Variants in ZNF804B observed in about 807,000 individuals in gnomAD.
The protein encoded by ZNF804B is zinc finger protein 804B.
Under a neutral mutation model 101.4 loss-of-function variants are expected in ZNF804B, and 80 were observed. The observed-to-expected ratio is 0.79, with a 90% CI of 0.66 to 0.95. ZNF804B has a LOEUF of 0.95. Ranked by LOEUF, ZNF804B falls within the 40% of genes least tolerant of loss-of-function variation. The pLI is 0.00. For synonymous variants in ZNF804B, 622 were observed against 558.8 expected, an observed-to-expected ratio of 1.11 and a Z score of -1.59; for missense variants, 1,673 against 1,561.9, an observed-to-expected ratio of 1.07 and a Z score of -1.20.
At chr7:88,854,414 C>CCTTTCTTTCTTCCTTCCTTCCTTTCTTT (rs1491507073) in intron 1 of ZNF804B, among the ~76,000 whole-genome samples, 2 of 57,114 alleles carry the variant, frequency 3.5e-5, no homozygotes, top group East Asian at 7.6e-4. Context: ...TTTCTTTCTT[C>CCTTTCTTTCTTCCTTCCTTCCTTTCTTT]CTTTCTTTCT....
At chr7:89,189,394 A>G (rs1788422989) in intron 1 of ZNF804B, among the ~76,000 whole-genome samples, 1 of 152,164 alleles carries the variant, frequency 6.6e-6, no homozygotes, top group South Asian at 2.1e-4. Context: ...ATATAATTTT[A>G]GGTAGTTTAC....
intron 1 of ZNF804B, among the ~76,000 whole-genome samples, chr7:89,094,359 A>C (rs764103659): frequency 2.6e-5 from 4 of 152,130 alleles, no homozygotes; most frequent in Non-Finnish European, 4.4e-5. Flanking sequence ...TACTTTCTTT[A>C]AAATATGCCA....
chr7:89,113,745 G>T (rs1262826082), intron 1 of ZNF804B, among the ~76,000 whole-genome samples: 1 of 152,132 alleles, frequency 6.6e-6, no homozygotes, highest in Non-Finnish European at 1.5e-5. Flanking sequence ...GAGGTCAGGA[G>T]ATTGAGACCA....
At chr7:88,961,910 G>T (rs866170060) in intron 1 of ZNF804B, among the ~76,000 whole-genome samples, 3 of 151,400 alleles carry the variant, frequency 2.0e-5, no homozygotes, top group Middle Eastern at 6.8e-3. Flanking sequence ...GGACTTCATA[G>T]TCACTTAACG....
In ZNF804B at chr7:89,017,010, A is replaced by C. The variant is rs1189200574; in HGVS notation, c.109-201145A>C. Among the ~76,000 whole-genome samples, 4 of 152,078 alleles carry C rather than the reference A, an allele frequency of 2.6e-5. No individual in the cohort carries two copies. In the East Asian group the frequency reaches 5.8e-4, roughly 22 times the overall value. ...ATTTGTTTGTGTCCTCTTTTATTTC[A>C]TTGAGCTGTGGTTTGTAGTTCTCCT... On this transcript the variant is annotated intron_variant, in intron 1 of 3. Coordinates refer to ENST00000333190, the MANE Select transcript of ZNF804B (RefSeq NM_181646.5).
At chr7:89,246,532 T>A (rs1414370514) in intron 2 of ZNF804B, among the ~76,000 whole-genome samples, 1 of 152,002 alleles carries the variant, frequency 6.6e-6, no homozygotes, top group Non-Finnish European at 1.5e-5. Flanking sequence ...CTGCCCCACA[T>A]TTCCTGTGCA....
intron 1 of ZNF804B, among the ~76,000 whole-genome samples, chr7:89,199,372 C>T (rs1252857178): frequency 1.3e-5 from 2 of 151,898 alleles, no homozygotes; most frequent in East Asian, 3.9e-4. Flanking sequence ...CAGTACAGCA[C>T]ATTCAAATCT....
At chr7:89,224,641 C>T (rs1789053902) in intron 2 of ZNF804B, among the ~76,000 whole-genome samples, 1 of 151,310 alleles carries the variant, frequency 6.6e-6, no homozygotes, top group Non-Finnish European at 1.5e-5. Flanking sequence ...GAATGAATAC[C>T]TTCAGTACCA....
In ZNF804B at chr7:89,220,046, CAT is replaced by C. The variant is rs1363176073; in HGVS notation, c.249+1757_249+1758del. Among the ~76,000 whole-genome samples the C allele has an allele frequency of 1.5e-3, 47 of 30,650 alleles. 17 individuals are homozygous for C. The highest frequency in any genetic ancestry group is 9.9e-3 in the Admixed American group (36 of 3,624). The allele number at this position is 30,650 out of a possible 152,430, so 20.1% of individuals were successfully genotyped here. ...ACATATATATACGCACATATATGTG[CAT>C]ATATACATATATACGCACATATATG... is the stretch of plus-strand genomic sequence containing the variant. On this transcript the variant is annotated intron_variant, in intron 2 of 3. Coordinates refer to ENST00000333190, the MANE Select transcript of ZNF804B (RefSeq NM_181646.5).
chr7:89,228,377 G>T (rs1403788861), intron 2 of ZNF804B, among the ~76,000 whole-genome samples: 1 of 152,116 alleles, frequency 6.6e-6, no homozygotes, highest in Non-Finnish European at 1.5e-5. Context: ...ACATCCTGCT[G>T]ATTGGTAGAG....
intron 2 of ZNF804B, among the ~76,000 whole-genome samples, chr7:89,220,047 A>ATACGTATATACGCACATATATATGTGTG (rs1788971297): frequency 7.7e-5 from 3 of 38,762 alleles, no homozygotes; most frequent in African/African-American, 3.6e-4. Flanking sequence ...ATATATGTGC[A>ATACGTATATACGCACATATATATGTGTG]TATATACATA....
chr7:89,010,338 T>A (rs1408659083), intron 1 of ZNF804B, among the ~76,000 whole-genome samples: 1 of 152,136 alleles, frequency 6.6e-6, no homozygotes, highest in Admixed American at 6.5e-5. Context: ...ATTACAGTAT[T>A]GATTAAGTGG....
intron 1 of ZNF804B, among the ~76,000 whole-genome samples, chr7:89,169,074 G>A (rs1791187874): frequency 6.6e-6 from 1 of 152,134 alleles, no homozygotes; most frequent in African/African-American, 2.4e-5. Flanking sequence ...ACGAACCCGG[G>A]CACTTAGCCT....
chr7:88,787,826 T>A (rs1201849442), intron 1 of ZNF804B, among the ~76,000 whole-genome samples: 1 of 152,144 alleles, frequency 6.6e-6, no homozygotes, highest in African/African-American at 2.4e-5. Context: ...ACTGTCTTTA[T>A]GTTTGATAGA....
At chr7:89,061,107 T>A (rs922630415) in intron 1 of ZNF804B, among the ~76,000 whole-genome samples, 1 of 152,152 alleles carries the variant, frequency 6.6e-6, no homozygotes, top group Non-Finnish European at 1.5e-5. Flanking sequence ...GTAACTGTTA[T>A]ACCCTTATGA....
At position 89,250,774 on chromosome 7, in the gene ZNF804B, C is replaced by T. The variant is rs186070911; in HGVS notation, c.249+32479C>T. 2.6e-5 allele frequency among the ~76,000 whole-genome samples: 4 copies of T among 152,290 alleles called. No homozygotes were observed. In the East Asian group the frequency reaches 7.7e-4, roughly 29 times the overall value. ...AAATAGGCTTCATTCCTAAGATTCA[C>T]TGCTGGTTCAACATATGCAAATCAA... On this transcript the variant is annotated intron_variant, in intron 2 of 3. Coordinates refer to ENST00000333190, the MANE Select transcript of ZNF804B (RefSeq NM_181646.5).
chr7:89,201,100 G>T (rs1788626040), intron 1 of ZNF804B, among the ~76,000 whole-genome samples: 1 of 151,898 alleles, frequency 6.6e-6, no homozygotes, highest in Non-Finnish European at 1.5e-5. Context: ...TCTTATCAAT[G>T]AAAGTTATTT....
chr7:89,161,927 A>G (rs1325767383), intron 1 of ZNF804B, among the ~76,000 whole-genome samples: 1 of 152,152 alleles, frequency 6.6e-6, no homozygotes, highest in Middle Eastern at 3.2e-3. Context: ...CACATTTATT[A>G]TATATGATTT....
intron 1 of ZNF804B, among the ~76,000 whole-genome samples, chr7:89,020,543 G>A (rs76740619): frequency 0.023 from 3,457 of 152,140 alleles, 138 homozygotes; most frequent in African/African-American, 0.079. Context: ...CTCAGAGAGG[G>A]TCTGTTTGGC....
Sources: allele counts gnomAD v4.1 joint callset (sites outside exome capture counted in the v4.1 genomes callset), GRCh38; gene constraint gnomAD v4.1.1; transcripts MANE v1.5; gene names NCBI Gene and HGNC (gene_info 2026-07-23, HGNC 2026-07-21).